The following MYO15B variants were observed in gnomAD, a reference collection of about 807,000 sequenced individuals.
MYO15B encodes myosin XVB, also known as myosin XVB pseudogene.
Under a neutral mutation model 119.3 loss-of-function variants are expected in MYO15B, and 207 were observed. The observed-to-expected ratio is 1.73, with a 90% CI of 1.55 to 1.95. The LOEUF is 1.95. MYO15B is among the 30% of genes most tolerant of loss of function. The pLI, the probability that MYO15B is intolerant of heterozygous loss-of-function variation, is 0.00. For missense variants in MYO15B, 2,264 were observed against 1,203.1 expected, an observed-to-expected ratio of 1.88 and a Z score of -13.04; for synonymous variants, 966 against 498.9, an observed-to-expected ratio of 1.94 and a Z score of -12.48.
chr17:75,597,599 G>A (rs1027122036), intron 14 of MYO15B, among the ~76,000 whole-genome samples: 2 of 152,240 alleles, frequency 1.3e-5, no homozygotes, highest in African/African-American at 2.4e-5. Context: ...CTTACAGCCC[G>A]CAGTGCAGCA....
chr17:75,612,994 C>T lies in MYO15B; in HGVS notation c.4752C>T (p.Asp1584=), dbSNP rs566616543. 26 of 692,376 alleles carry T rather than the reference C, an allele frequency of 3.8e-5. 1 individual carries two copies. The highest frequency in any genetic ancestry group is 1.6e-4 in the South Asian group (11 of 67,176). 42.9% of individuals were successfully genotyped at this position (692,376 alleles called of 1,614,324 possible). The change falls in exon 27 of 64, where the codon GAC becomes GAT. Residue 1584 remains aspartate, a synonymous_variant. Transcript: ENST00000645453. ...GGCAGATGCTGCGGCTCCTGGGGGA[C>T]GGATCCCTGGAGTCCTGGCAGAGGC...
At chr17:75,590,982 A>G (rs2056404208) in exon 3 of MYO15B, 1 of 566,282 alleles carries the variant, frequency 1.8e-6, no homozygotes, top group Non-Finnish European at 3.2e-6. Context: ...GGTCCAGGCA[A>G]GCTACCACCC....
intron 52 of MYO15B, 54 bp from the exon 53 acceptor site, chr17:75,621,950 G>T: frequency 1.4e-6 from 1 of 698,498 alleles, no homozygotes; most frequent in Admixed American, 2.0e-5. Context: ...CATGAGCCGG[G>T]GCCAGCCCCA....
At chr17:75,607,646 A>C (rs1484944963) in intron 21 of MYO15B, among the ~76,000 whole-genome samples, 4 of 151,756 alleles carry the variant, frequency 2.6e-5, no homozygotes, top group Non-Finnish European at 5.9e-5. Flanking sequence ...TTCAGTAGAG[A>C]CGGGGTTTCA....
At chr17:75,624,821 G>A (rs1011867258) in exon 59 of MYO15B, 13 of 702,900 alleles carry the variant, frequency 1.8e-5, no homozygotes, top group Non-Finnish European at 2.6e-5. Context: ...CAGCGTGGTA[G>A]TGGACCAGGA....
chr17:75,623,966 G>T, exon 55 of MYO15B: 1 of 703,022 alleles, frequency 1.4e-6, no homozygotes, highest in Admixed American at 2.0e-5. Flanking sequence ...TGCACTCGAG[G>T]CTGGAGCTTC....
rs369954101 is a variant in MYO15B at position 75,623,764 on chromosome 17, C to T, written c.8083-17C>T. ...CGCTGCCATCCCTCACCCCACCTGCCCTTCCTGTCCCCACAGCTGTGCCAG... is the reference window on the plus strand; with the variant it reads ...CGCTGCCATCCCTCACCCCACCTGCTCTTCCTGTCCCCACAGCTGTGCCAG... On this transcript the variant is annotated splice_polypyrimidine_tract_variant and intron_variant, in intron 53 of 63. Transcript: ENST00000645453. The T allele has an allele frequency of 2.8e-5, 20 of 703,014 alleles. No homozygotes were observed. The highest frequency in any genetic ancestry group is 1.3e-4 in the East Asian group (5 of 37,298). The allele number at this position is 703,014 out of a possible 1,614,324, so 43.5% of individuals were successfully genotyped here. A position where few individuals can be genotyped will look rare whatever the true frequency, so the allele number is the denominator to read the frequency against.
In MYO15B at chr17:75,589,914, C is replaced by G. The variant is rs1430064734; in HGVS notation, c.1857C>G (p.Gly619=). ...ACGGGCCTTCCCTCGACGAGAGCGG[C>G]TCCAGCAGTGAGGCGGAGTTGGAGA... The change falls in exon 1 of 64, where the codon GGC becomes GGG. Residue 619 remains glycine, a synonymous_variant. Transcript: ENST00000645453. This position sits in a 1 kb window ranked among gnomAD's most constrained non-coding sequence, Gnocchi z 4.2. 14 of 398,704 alleles carry G rather than the reference C, an allele frequency of 3.5e-5. No homozygotes were observed. The East Asian group carries it at 5.0e-4, about 14-fold the overall frequency. The allele number at this position is 398,704 out of a possible 1,614,324, so 24.7% of individuals were successfully genotyped here.
intron 1 of MYO15B, 48 bp from the exon 2 acceptor site, chr17:75,590,578 C>T (rs1392149244): frequency 3.7e-6 from 1 of 271,790 alleles, no homozygotes; most frequent in African/African-American, 2.2e-5. Context: ...TAACCCACAA[C>T]CTCCTGCAGC....
At chr17:75,620,289 A>G (rs1047839987) in exon 48 of MYO15B, 25 of 702,884 alleles carry the variant, frequency 3.6e-5, no homozygotes, top group Non-Finnish European at 6.0e-5. Flanking sequence ...ATCACTGACA[A>G]CTGCAGCCTC....
At chr17:75,624,842 C>T (rs573648842) in exon 59 of MYO15B, 2 of 703,052 alleles carry the variant, frequency 2.8e-6, no homozygotes, top group African/African-American at 3.5e-5. Flanking sequence ...CGTGAGCCTG[C>T]ACAGCCGGCG....
chr17:75,623,840 G>A (rs820186), exon 54 of MYO15B: 202,553 of 699,066 alleles, frequency 0.29, 30,753 homozygotes, highest in Middle Eastern at 0.37. Context: ...AGCAGGTCAC[G>A]GGACACCCCC....
chr17:75,610,295 G>A, intron 22 of MYO15B, 36 bp downstream of exon 22: 2 of 661,908 alleles, frequency 3.0e-6, no homozygotes, highest in Non-Finnish European at 5.5e-6. Flanking sequence ...CAGGGTAGAA[G>A]CCAGGCTGCC....
Position 75,621,941 on chromosome 17 carries a change from A to T in MYO15B, c.8006-63A>T, listed in dbSNP as rs1206454354. 14 of 694,774 alleles carry T rather than the reference A, an allele frequency of 2.0e-5. No homozygotes were observed. The East Asian group carries it at 3.8e-4, about 19-fold the overall frequency. 43.0% of individuals were successfully genotyped at this position (694,774 alleles called of 1,614,324 possible). A position where few individuals can be genotyped will look rare whatever the true frequency, so the allele number is the denominator to read the frequency against. On this transcript the variant is annotated intron_variant, in intron 52 of 63. Transcript: ENST00000645453. ...GGTGAAGGCCCTGCACAGCAACAGC[A>T]TGAGCCGGGGCCAGCCCCAGCACAG...
chr17:75,592,919 G>A (rs1404370773), intron 9 of MYO15B, 79 bp downstream of exon 9: 1 of 656,494 alleles, frequency 1.5e-6, no homozygotes, highest in Non-Finnish European at 2.8e-6. Context: ...GCCAAATGCT[G>A]GTGTGTAGGA....
At chr17:75,624,259 A>G (rs2058885456) in exon 56 of MYO15B, 1 of 702,802 alleles carries the variant, frequency 1.4e-6, no homozygotes. Flanking sequence ...GGTGAAATGA[A>G]GGCTTTCCTG....
intron 16 of MYO15B, 29 bp downstream of exon 16, chr17:75,602,623 C>T: frequency 1.5e-6 from 1 of 646,496 alleles, no homozygotes; most frequent in Non-Finnish European, 2.8e-6. Context: ...AGGCCCCCAC[C>T]CGCTCCATAC....
Position 75,589,258 on chromosome 17 carries a change from C to A in MYO15B, c.1201C>A (p.Arg401=), listed in dbSNP as rs1478932157. 2.5e-6 allele frequency: 1 copy of A among 396,608 alleles called. No individual in the cohort carries two copies. Among genetic ancestry groups the A allele is most frequent in the Non-Finnish European group, 4.4e-6 (1 of 225,852 alleles). The allele number at this position is 396,608 out of a possible 1,614,324, so 24.6% of individuals were successfully genotyped here. Residue 401 remains arginine, a synonymous_variant, in exon 1 of 64, where the codon CGG becomes AGG. Transcript: ENST00000645453. This position sits in a 1 kb window ranked among gnomAD's most constrained non-coding sequence, Gnocchi z 4.2. Reference sequence around the variant, plus strand: ...GGGCGAGGGGCAGGGTACCGGGCCACGGGCGAGCGAGGGGTGGGGCCGCCG... The same window carrying A: ...GGGCGAGGGGCAGGGTACCGGGCCAAGGGCGAGCGAGGGGTGGGGCCGCCG...
At chr17:75,591,362 C>A in intron 4 of MYO15B, 116 bp downstream of exon 4, 1 of 644,198 alleles carries the variant, frequency 1.6e-6, no homozygotes, top group South Asian at 1.7e-5. Flanking sequence ...GGCTACAGTT[C>A]TGGACTCCTC....
Sources: allele counts gnomAD v4.1 joint callset (sites outside exome capture counted in the v4.1 genomes callset), GRCh38; gene constraint gnomAD v4.1.1; non-coding constraint Gnocchi (gnomAD v3.1); transcripts MANE v1.5; gene names NCBI Gene and HGNC (gene_info 2026-07-23, HGNC 2026-07-21).